Variants in MAGI2 observed in about 807,000 individuals in gnomAD.
MAGI2 encodes the protein membrane associated guanylate kinase, WW and PDZ domain containing 2, also known as membrane-associated guanylate kinase, WW and PDZ domain-containing protein 2.
Under a neutral mutation model 133.3 loss-of-function variants are expected in MAGI2, and 35 were observed. The observed-to-expected ratio is 0.26, with a 90% CI of 0.20 to 0.35. The LOEUF (loss-of-function observed/expected upper bound fraction) is 0.35. Ranked by LOEUF, MAGI2 falls within the 10% of genes least tolerant of loss-of-function variation. The probability of loss-of-function intolerance (pLI) is 1.00; values close to 1 mark genes in which losing one functional copy is unlikely to be tolerated. For missense variants in MAGI2, 1,636 were observed against 1,863.4 expected (o/e 0.88, Z 2.25); for synonymous variants, 729 against 710.6 (o/e 1.03, Z -0.41).
At chr7:79,216,479 T>A (rs1187867644) in intron 1 of MAGI2, among the ~76,000 whole-genome samples, 1 of 151,980 alleles carries the variant, frequency 6.6e-6, no homozygotes, top group African/African-American at 2.4e-5. Context: ...ACTTAAGCTG[T>A]CCATGGATGG....
At chr7:78,599,046 C>T (rs66503904) in intron 3 of MAGI2, among the ~76,000 whole-genome samples, 18,891 of 152,042 alleles carry the variant, frequency 0.12, 1,209 homozygotes, top group African/African-American at 0.15. Context: ...CCACTTTATA[C>T]GCAACAAATT....
intron 1 of MAGI2, among the ~76,000 whole-genome samples, chr7:79,214,217 A>G (rs1032067773): frequency 6.6e-6 from 1 of 151,316 alleles, no homozygotes; most frequent in African/African-American, 2.4e-5. Context: ...TGTTCTTCCA[A>G]TAATTTTCTT....
intron 2 of MAGI2, among the ~76,000 whole-genome samples, chr7:78,720,497 G>C (rs1315278201): frequency 2.0e-5 from 3 of 151,798 alleles, no homozygotes; most frequent in Non-Finnish European, 4.4e-5. Flanking sequence ...TTAACCATTA[G>C]TTGTATAATT....
intron 1 of MAGI2, among the ~76,000 whole-genome samples, chr7:79,433,607 A>C (rs1401310789): frequency 1.3e-5 from 2 of 152,202 alleles, no homozygotes; most frequent in African/African-American, 4.8e-5. Context: ...CTTGCTTAAT[A>C]AACTGGTTAC....
At chr7:78,107,958 G>A (rs746255634) in intron 20 of MAGI2, among the ~76,000 whole-genome samples, 13 of 150,326 alleles carry the variant, frequency 8.6e-5, no homozygotes, top group Non-Finnish European at 1.8e-4. Context: ...ATCCTTTTTT[G>A]GTTTCAATTT....
At chr7:78,902,553 C>T (rs1287800195) in intron 2 of MAGI2, 1 of 152,134 alleles carries the variant, frequency 6.6e-6, no homozygotes, top group Admixed American at 6.6e-5. Context: ...GGCGGCCATT[C>T]ACATGAATTT....
intron 10 of MAGI2, among the ~76,000 whole-genome samples, chr7:78,221,326 T>C (rs1243801972): frequency 6.6e-6 from 1 of 152,200 alleles, no homozygotes; most frequent in Non-Finnish European, 1.5e-5. Flanking sequence ...CATTTACTCA[T>C]GAAGCAGCAT....
At chr7:78,844,063 A>C (rs971725055) in intron 2 of MAGI2, among the ~76,000 whole-genome samples, 3 of 150,084 alleles carry the variant, frequency 2.0e-5, no homozygotes, top group African/African-American at 7.3e-5. Context: ...ACACACATTC[A>C]CACGTTGCCT....
At chr7:78,403,660 T>A (rs1797110723) in intron 6 of MAGI2, among the ~76,000 whole-genome samples, 1 of 152,042 alleles carries the variant, frequency 6.6e-6, no homozygotes, top group African/African-American at 2.4e-5. Flanking sequence ...CTGCAGCACC[T>A]GTTGTTTCCT....
rs550204581 is a variant in MAGI2, at chr7:79,195,212, C to A, written c.302-188006G>T. ...GTTCTGCATCAACTAACCACCAACA[C>A]ATTTAAGCAGACATCACTGACTAAT... On this transcript the variant is annotated intron_variant, in intron 1 of 21. Coordinates refer to ENST00000354212, the MANE Select transcript of MAGI2 (RefSeq NM_012301.4). Among the ~76,000 whole-genome samples the A allele has an allele frequency of 3.9e-5, 6 of 152,098 alleles. No individual in the cohort carries two copies. The South Asian group carries it at 1.2e-3, about 32-fold the overall frequency.
intron 2 of MAGI2, among the ~76,000 whole-genome samples, chr7:78,668,277 T>C (rs1448412670): frequency 6.6e-6 from 1 of 151,812 alleles, no homozygotes; most frequent in Non-Finnish European, 1.5e-5. Context: ...GAGTTCATTG[T>C]AGATTCTGGA....
At chr7:78,753,246 TAAAC>T (rs143990746) in intron 2 of MAGI2, among the ~76,000 whole-genome samples, 6,201 of 151,882 alleles carry the variant, frequency 0.041, 405 homozygotes, top group African/African-American at 0.14. Flanking sequence ...TAGTAATCAA[TAAAC>T]AGACAGGAAA....
chr7:78,690,417 A>G (rs1456613081), intron 2 of MAGI2, among the ~76,000 whole-genome samples: 1 of 152,168 alleles, frequency 6.6e-6, no homozygotes, highest in Non-Finnish European at 1.5e-5. Flanking sequence ...TCCCTGCTTA[A>G]CTGTCATCAT....
At chr7:79,181,574 G>A (rs1335761832) in intron 1 of MAGI2, among the ~76,000 whole-genome samples, 1 of 151,930 alleles carries the variant, frequency 6.6e-6, no homozygotes, top group Non-Finnish European at 1.5e-5. Context: ...GATGGGAGGG[G>A]CTGCTGCAAA....
intron 9 of MAGI2, among the ~76,000 whole-genome samples, chr7:78,304,215 C>A (rs950615879): frequency 2.0e-5 from 3 of 152,154 alleles, no homozygotes; most frequent in African/African-American, 7.2e-5. Context: ...GCAGTGCATC[C>A]TACAACTCCA....
At chr7:79,251,285 C>G (rs1245935883) in intron 1 of MAGI2, among the ~76,000 whole-genome samples, 1 of 151,984 alleles carries the variant, frequency 6.6e-6, no homozygotes, top group Non-Finnish European at 1.5e-5. Flanking sequence ...AAACAATCAA[C>G]AAAGTGAAGC....
intron 2 of MAGI2, among the ~76,000 whole-genome samples, chr7:78,717,190 A>G (rs74341990): frequency 0.019 from 2,873 of 152,234 alleles, 97 homozygotes; most frequent in African/African-American, 0.066. Flanking sequence ...TCTTTGTCCA[A>G]TAAACCTGTG....
At chr7:78,074,067 T>C (rs1277797262) in intron 21 of MAGI2, among the ~76,000 whole-genome samples, 1 of 152,190 alleles carries the variant, frequency 6.6e-6, no homozygotes, top group Non-Finnish European at 1.5e-5. Flanking sequence ...GCCCTTATCA[T>C]TTTCCGACTC....
chr7:78,270,996 CTA>C (rs1290469972), intron 9 of MAGI2, among the ~76,000 whole-genome samples: 3 of 152,010 alleles, frequency 2.0e-5, no homozygotes, highest in African/African-American at 7.2e-5. Flanking sequence ...ACTTCCAACA[CTA>C]TGTTGAATAG....
Sources: gnomAD v4.1 joint callset for allele counts (sites outside exome capture counted in the v4.1 genomes callset) on GRCh38, gnomAD v4.1.1 for gene constraint, MANE v1.5 for transcripts, NCBI Gene and HGNC (gene_info 2026-07-23, HGNC 2026-07-21) for gene names.